SUPV3L1: variants seen among roughly 807,000 people sequenced by gnomAD.
The protein encoded by SUPV3L1 is Suv3 like RNA helicase, also known as ATP-dependent RNA helicase SUPV3L1, mitochondrial.
Under a neutral mutation model 70.0 loss-of-function variants are expected in SUPV3L1, and 35 were observed. The observed-to-expected ratio is 0.50, with a 90% CI of 0.38 to 0.66. The LOEUF (loss-of-function observed/expected upper bound fraction) is 0.66, where lower values mean the gene tolerates loss of function less well. SUPV3L1 is among the 30% of genes least tolerant of loss of function. SUPV3L1 has a pLI of 0.00. For missense variants in SUPV3L1, 777 were observed against 961.5 expected (o/e 0.81, Z 2.54); for synonymous variants, 364 against 341.9 (o/e 1.06, Z -0.71).
In SUPV3L1 at chr10:69,180,390, G is replaced by A. The variant is rs376027793; in HGVS notation, c.99G>A (p.Gly33=). The change falls in exon 1 of 15, where the codon GGG becomes GGA. Residue 33 remains glycine (G), a synonymous_variant. Coordinates refer to ENST00000359655, the MANE Select transcript of SUPV3L1 (RefSeq NM_003171.5). ...AICSALRPHF[G]PFPGVLGQVS... is the part of the protein sequence containing the mutation. ...GCTCTGCCCTTCGTCCCCACTTTGG[G>A]CCCTTTCCCGGGGTTCTGGGGCAAG... 79 of 1,614,248 alleles carry A rather than the reference G, an allele frequency of 4.9e-5. No homozygotes were observed. In the Middle Eastern group the frequency reaches 2.3e-3, roughly 47 times the overall value.
intron 1 of SUPV3L1, among the ~76,000 whole-genome samples, chr10:69,183,568 A>G (rs1842128661): frequency 6.6e-6 from 1 of 152,136 alleles, no homozygotes; most frequent in Non-Finnish European, 1.5e-5. Flanking sequence ...AGTTCCAGCT[A>G]CTTGGGAGGC....
At chr10:69,207,330 G>GT (rs1278314006) in intron 13 of SUPV3L1, among the ~76,000 whole-genome samples, 1 of 151,792 alleles carries the variant, frequency 6.6e-6, no homozygotes, top group Non-Finnish European at 1.5e-5. Flanking sequence ...ATCTTTTTTT[G>GT]TTTTTTCTTT....
chr10:69,189,563 G>A (rs1433388741), intron 5 of SUPV3L1, 128 bp downstream of exon 5: 2 of 915,590 alleles, frequency 2.2e-6, no homozygotes, highest in Admixed American at 3.6e-5. Context: ...CTAAGAGGCT[G>A]TCAATTGTAA....
Position 69,180,554 on chromosome 10 carries a change from T to C in SUPV3L1, c.263T>C (p.Leu88Pro), listed in dbSNP as rs1385140517. ...GDVGAELTRP[L>P]DKNEVKKVLD... ...GTCGGGGCCGAGCTAACCCGGCCTC[T>C]GGACAAGAGTGAGTGCGGGAACTAC... Residue 88 changes from leucine (L) to proline (P), a missense_variant, in exon 1 of 15, where the codon CTG becomes CCG. Transcript: ENST00000359655. 1 of 1,613,820 alleles carries C rather than the reference T, an allele frequency of 6.2e-7. No homozygotes were observed. Among genetic ancestry groups the C allele is most frequent in the South Asian group, 1.1e-5 (1 of 91,074 alleles).
chr10:69,188,778 C>T (rs1842306849), intron 4 of SUPV3L1, among the ~76,000 whole-genome samples: 2 of 152,178 alleles, frequency 1.3e-5, no homozygotes, highest in African/African-American at 4.8e-5. Context: ...GGATTACAGG[C>T]GTGAGCCACC....
At chr10:69,190,037 A>G (rs10998629) in intron 5 of SUPV3L1, among the ~76,000 whole-genome samples, 8 of 152,352 alleles carry the variant, frequency 5.3e-5, no homozygotes, top group African/African-American at 1.9e-4. Context: ...ATTGAAGAAC[A>G]TTTTACATAT....
chr10:69,180,372 C>T lies in SUPV3L1; in HGVS notation c.81C>T (p.Ala27=). ...GCCACCGGGCAGCCATCTGCTCTGCCCTTCGTCCCCACTTTGGGCCCTTTC... is the reference window on the plus strand; with the variant it reads ...GCCACCGGGCAGCCATCTGCTCTGCTCTTCGTCCCCACTTTGGGCCCTTTC... ...QAGHRAAICS[A]LRPHFGPFPG... Residue 27 remains alanine, a synonymous_variant, in exon 1 of 15, where the codon GCC becomes GCT. Transcript: ENST00000359655. 1 of 1,614,240 alleles carries T rather than the reference C, an allele frequency of 6.2e-7. No individual in the cohort carries two copies. Among genetic ancestry groups the T allele is most frequent in the Non-Finnish European group, 8.5e-7 (1 of 1,180,034 alleles).
chr10:69,198,487 C>T lies in SUPV3L1; in HGVS notation c.1139C>T (p.Ser380Phe). Reference protein sequence around the residue: ...IVCFSKNDIYSVSRQIEIRGL... With the variant: ...IVCFSKNDIYFVSRQIEIRGL... Reference sequence around the variant, plus strand: ...TGTTTTAGCAAGAATGATATTTATTCTGTGAGTCGGCAGATTGAAATTCGG... The same window carrying T: ...TGTTTTAGCAAGAATGATATTTATTTTGTGAGTCGGCAGATTGAAATTCGG... Residue 380 changes from serine (S) to phenylalanine (F), a missense_variant, in exon 9 of 15, where the codon TCT (serine) becomes TTT (phenylalanine). By Grantham distance (155) the Ser-to-Phe change is radical. Coordinates refer to ENST00000359655, the MANE Select transcript of SUPV3L1 (RefSeq NM_003171.5). The T allele has an allele frequency of 6.2e-7, 1 of 1,614,038 alleles. No individual in the cohort carries two copies. Among genetic ancestry groups the T allele is most frequent in the Non-Finnish European group, 8.5e-7 (1 of 1,179,994 alleles).
chr10:69,204,777 C>CTT (rs71035076), intron 13 of SUPV3L1, among the ~76,000 whole-genome samples: 60 of 144,812 alleles, frequency 4.1e-4, no homozygotes, highest in South Asian at 6.6e-4. Context: ...AAAAAATTAT[C>CTT]TTTTTTTTTT....
intron 1 of SUPV3L1, among the ~76,000 whole-genome samples, chr10:69,185,463 G>A (rs531929412): frequency 1.4e-5 from 2 of 143,000 alleles, no homozygotes; most frequent in Non-Finnish European, 1.6e-5. Flanking sequence ...TTCCTCTATG[G>A]TATAACAGGG....
At chr10:69,193,810 TGTA>T (rs1842465041) in intron 6 of SUPV3L1, among the ~76,000 whole-genome samples, 1 of 152,242 alleles carries the variant, frequency 6.6e-6, no homozygotes, top group East Asian at 1.9e-4. Flanking sequence ...TTTTCAATTC[TGTA>T]GTATTTGGGG....
chr10:69,190,769 A>G (rs1842369721), intron 5 of SUPV3L1, among the ~76,000 whole-genome samples: 1 of 152,112 alleles, frequency 6.6e-6, no homozygotes, highest in African/African-American at 2.4e-5. Context: ...ACTATAGGTC[A>G]GTTGTGTTGT....
At chr10:69,191,072 A>G (rs536011034) in intron 5 of SUPV3L1, among the ~76,000 whole-genome samples, 7 of 152,346 alleles carry the variant, frequency 4.6e-5, no homozygotes, top group Admixed American at 4.6e-4. Context: ...CAAATAGTTC[A>G]GAGATGTACA....
In SUPV3L1 at chr10:69,207,852, C is replaced by G; in HGVS notation, c.1836C>G (p.Ile612Met). 1 of 1,614,160 alleles carries G rather than the reference C, an allele frequency of 6.2e-7. No individual in the cohort carries two copies. Among genetic ancestry groups the G allele is most frequent in the Non-Finnish European group, 8.5e-7 (1 of 1,180,036 alleles). The change falls in exon 14 of 15, where the codon ATC becomes ATG. Residue 612 changes from isoleucine (I) to methionine (M), a missense_variant. Physicochemically the swap from Ile to Met is conservative, Grantham distance 10 (BLOSUM62 1). Coordinates refer to ENST00000359655, the MANE Select transcript of SUPV3L1 (RefSeq NM_003171.5). ...CCTTTGCATGGTTACGCCGATACAT[C>G]AAATGGCCTTTACTTCCACCTAAGA... ...PLTFAWLRRY[I>M]KWPLLPPKNI...
intron 13 of SUPV3L1, 147 bp from the exon 14 acceptor site, chr10:69,207,646 A>G: frequency 1.1e-6 from 1 of 912,768 alleles, no homozygotes; most frequent in Non-Finnish European, 1.6e-6. Context: ...TTTAAAATGT[A>G]GAAGAGTATA....
intron 8 of SUPV3L1, among the ~76,000 whole-genome samples, chr10:69,197,690 C>G (rs1842577240): frequency 6.6e-6 from 1 of 152,136 alleles, no homozygotes; most frequent in South Asian, 2.1e-4. Context: ...CCACTTCAGC[C>G]TCCCAAATAG....
At position 69,208,964 on chromosome 10, in the gene SUPV3L1, A is replaced by G; in HGVS notation, c.2290A>G (p.Lys764Glu). The G allele has an allele frequency of 1.2e-6, 2 of 1,614,142 alleles. No homozygotes were observed. The highest frequency in any genetic ancestry group is 1.1e-5 in the South Asian group (1 of 91,084). Residue 764 changes from lysine (K) to glutamate (E), a missense_variant, in exon 15 of 15, where the codon AAA (lysine) becomes GAA (glutamate). Transcript: ENST00000359655. ...GATGACACAACAAACTGAACACAAC[A>G]AAGAAAAAACAGAGTCTGGGACTCA... ...EWMTQQTEHN[K>E]EKTESGTHPK...
In SUPV3L1 at chr10:69,196,888, T is replaced by C. The variant is rs1440015364; in HGVS notation, c.932-104T>C. On this transcript the variant is annotated intron_variant, in intron 7 of 14. Transcript: ENST00000359655. ...TATTTTTGAAAATACTTGGTAAGGTTGTAAAGCAATATGTAAGCCAACGTA... is the reference window on the plus strand; with the variant it reads ...TATTTTTGAAAATACTTGGTAAGGTCGTAAAGCAATATGTAAGCCAACGTA... The C allele has an allele frequency of 7.5e-6, 7 of 930,646 alleles. No homozygotes were observed. The African/African-American group carries it at 1.0e-4, about 13-fold the overall frequency. 57.6% of individuals were successfully genotyped at this position (930,646 alleles called of 1,614,324 possible).
At chr10:69,196,664 G>C (rs1371599754) in intron 7 of SUPV3L1, among the ~76,000 whole-genome samples, 2 of 152,172 alleles carry the variant, frequency 1.3e-5, no homozygotes, top group East Asian at 3.9e-4. Flanking sequence ...ATTCCATGGA[G>C]CCTAATTTGA....
Sources: gnomAD v4.1 joint callset for allele counts (sites outside exome capture counted in the v4.1 genomes callset) on GRCh38, gnomAD v4.1.1 for gene constraint, MANE v1.5 for transcripts, NCBI Gene and HGNC (gene_info 2026-07-23, HGNC 2026-07-21) for gene names.